Variants in SNX25 observed in about 807,000 individuals in gnomAD.
SNX25 encodes sorting nexin-25.
SNX25 carries 62 observed loss-of-function variants against 113.7 expected under a neutral mutation model. That is an observed-to-expected ratio of 0.55 (90% CI 0.44 to 0.67). SNX25 has a LOEUF of 0.67. SNX25 is among the 30% of genes least tolerant of loss of function. The pLI, the probability that SNX25 is intolerant of heterozygous loss-of-function variation, is 0.00. For synonymous variants in SNX25, 421 were observed against 436.2 expected, an observed-to-expected ratio of 0.97 and a Z score of 0.43; for missense variants, 1,014 against 1,161.0, an observed-to-expected ratio of 0.87 and a Z score of 1.84.
chr4:185,209,384 G>C (rs900144938), upstream of SNX25: 1 of 152,388 alleles, frequency 6.6e-6, no homozygotes, highest in Admixed American at 6.5e-5. The surrounding 1 kb of genome is among the most constrained non-coding windows in gnomAD (Gnocchi z 5.2). Context: ...ATGAACAGAC[G>C]GCATCCTGTA....
In SNX25 at chr4:185,351,586, C is replaced by T. The variant is rs190746087; in HGVS notation, c.2443C>T (p.Arg815Cys). 18 of 1,614,068 alleles carry T rather than the reference C, an allele frequency of 1.1e-5. No homozygotes were observed. The highest frequency in any genetic ancestry group is 1.1e-4 in the East Asian group (5 of 44,880). The part of the protein sequence containing the change: ...SLSSFLERLP[R>C]DFFSHQEEET... ...ATCCTCATTTTTGGAAAGACTTCCTCGCGACTTCTTCTCCCACCAGGAGGT... is the reference window on the plus strand; with the variant it reads ...ATCCTCATTTTTGGAAAGACTTCCTTGCGACTTCTTCTCCCACCAGGAGGT... Residue 815 changes from arginine (R) to cysteine (C), a missense_variant, in exon 14 of 19, where the codon CGC becomes TGC. By Grantham distance (180) the Arg-to-Cys change is radical. Transcript: ENST00000652585.
chr4:185,358,653 C>A (rs2095349391), intron 16 of SNX25, among the ~76,000 whole-genome samples: 1 of 152,180 alleles, frequency 6.6e-6, no homozygotes, highest in South Asian at 2.1e-4. Context: ...GCTGACCTAA[C>A]CTGGCCCCCT....
At chr4:185,217,996 AG>A (rs889880214) in intron 1 of SNX25, among the ~76,000 whole-genome samples, 1 of 152,180 alleles carries the variant, frequency 6.6e-6, no homozygotes, top group Non-Finnish European at 1.5e-5. Context: ...GATGACAGGT[AG>A]GTAGGCAGCC....
chr4:185,358,808 A>T (rs2126755553), intron 16 of SNX25, among the ~76,000 whole-genome samples: 1 of 152,334 alleles, frequency 6.6e-6, no homozygotes. Context: ...AACGTCTAGA[A>T]ATTTAAAAAA....
chr4:185,304,270 G>A (rs1005021032), intron 6 of SNX25, among the ~76,000 whole-genome samples: 1 of 152,114 alleles, frequency 6.6e-6, no homozygotes, highest in Non-Finnish European at 1.5e-5. Flanking sequence ...CTGCAGCCTC[G>A]ACCTGCTGGG....
chr4:185,265,252 G>A (rs1208772047), intron 4 of SNX25, among the ~76,000 whole-genome samples: 1 of 152,186 alleles, frequency 6.6e-6, no homozygotes, highest in Non-Finnish European at 1.5e-5. Context: ...TGTGTCATTA[G>A]ACAATGTCAT....
At chr4:185,361,342 C>G (rs1027296523) in intron 16 of SNX25, among the ~76,000 whole-genome samples, 2 of 152,182 alleles carry the variant, frequency 1.3e-5, no homozygotes, top group South Asian at 2.1e-4. Flanking sequence ...AAATCAGTCT[C>G]TCAGTTCTTG....
chr4:185,337,806 A>T (rs189216936), intron 10 of SNX25, among the ~76,000 whole-genome samples: 2 of 152,296 alleles, frequency 1.3e-5, no homozygotes, highest in African/African-American at 4.8e-5. Flanking sequence ...CTTATTTCAT[A>T]ACCAATTCAT....
chr4:185,327,803 T>A (rs934187400), intron 9 of SNX25, among the ~76,000 whole-genome samples: 5 of 152,246 alleles, frequency 3.3e-5, no homozygotes, highest in African/African-American at 1.2e-4. Context: ...TATTAATGTT[T>A]CATTTATTAA....
chr4:185,349,889 A>G (rs1214094254), intron 13 of SNX25, among the ~76,000 whole-genome samples: 9 of 152,234 alleles, frequency 5.9e-5, no homozygotes, highest in Non-Finnish European at 8.8e-5. Flanking sequence ...ATTTTGTAAA[A>G]TGTTAGAGAG....
chr4:185,372,906 C>T (rs1295118030), downstream of SNX25: 2 of 1,613,200 alleles, frequency 1.2e-6, no homozygotes, highest in Non-Finnish European at 1.7e-6. Context: ...TATAGTAATA[C>T]TCCACGAGAT....
At chr4:185,351,655 G>A (rs2095315334) in intron 14 of SNX25, 46 bp downstream of exon 14, 1 of 1,590,410 alleles carries the variant, frequency 6.3e-7, no homozygotes, top group African/African-American at 1.3e-5. Context: ...TATTTCAGCA[G>A]ATACTAAGCT....
chr4:185,292,945 G>A (rs920013128), intron 6 of SNX25, among the ~76,000 whole-genome samples: 6 of 152,198 alleles, frequency 3.9e-5, no homozygotes, highest in African/African-American at 1.4e-4. Flanking sequence ...ACTTATGTTT[G>A]TCAAGGGACA....
intron 6 of SNX25, among the ~76,000 whole-genome samples, chr4:185,292,950 G>A (rs149332216): frequency 6.6e-6 from 1 of 152,124 alleles, no homozygotes; most frequent in African/African-American, 2.4e-5. Flanking sequence ...TGTTTGTCAA[G>A]GGACATTATC....
chr4:185,300,041 A>G (rs1753409779), intron 6 of SNX25, among the ~76,000 whole-genome samples: 2 of 152,220 alleles, frequency 1.3e-5, no homozygotes, highest in South Asian at 4.1e-4. Context: ...AAGTGTTGTA[A>G]CTAAGTAGTT....
chr4:185,348,675 G>C (rs745967744), intron 13 of SNX25, among the ~76,000 whole-genome samples: 1 of 152,176 alleles, frequency 6.6e-6, no homozygotes, highest in Non-Finnish European at 1.5e-5. Context: ...GGGATTACAG[G>C]TGTGCGCCAC....
At position 185,332,585 on chromosome 4, in the gene SNX25, C is replaced by G. The variant is rs1384397244; in HGVS notation, c.1750-10C>G. ...TTATAAGATATGGTGGTATGTGACTCTCCCCCTAGGGCCCAAGAGATGAGG... is the reference window on the plus strand; with the variant it reads ...TTATAAGATATGGTGGTATGTGACTGTCCCCCTAGGGCCCAAGAGATGAGG... On this transcript the variant is annotated splice_polypyrimidine_tract_variant and intron_variant, in intron 9 of 18. Transcript: ENST00000652585. 6.2e-7 allele frequency: 1 copy of G among 1,600,602 alleles called. No individual in the cohort carries two copies. The highest frequency in any genetic ancestry group is 1.3e-5 in the African/African-American group (1 of 74,484).
At chr4:185,289,011 A>G (rs1447324354) in intron 6 of SNX25, among the ~76,000 whole-genome samples, 1 of 152,220 alleles carries the variant, frequency 6.6e-6, no homozygotes, top group African/African-American at 2.4e-5. Flanking sequence ...ACAGAGGCAA[A>G]GGAAGCTTGG....
At chr4:185,219,729 C>T (rs1739486609) in intron 1 of SNX25, among the ~76,000 whole-genome samples, 1 of 152,086 alleles carries the variant, frequency 6.6e-6, no homozygotes, top group Admixed American at 6.6e-5. Flanking sequence ...CTCTAGTCCC[C>T]AACCTTGAGC....
Sources: gnomAD v4.1 joint callset for allele counts (sites outside exome capture counted in the v4.1 genomes callset) on GRCh38, gnomAD v4.1.1 for gene constraint, Gnocchi (gnomAD v3.1) non-coding constraint, MANE v1.5 for transcripts, NCBI Gene and HGNC (gene_info 2026-07-23, HGNC 2026-07-21) for gene names.